CLIP4: variants seen among roughly 807,000 people sequenced by gnomAD.
The protein encoded by CLIP4 is CAP-Gly domain-containing linker protein 4.
CLIP4 carries 47 observed loss-of-function variants against 73.1 expected under a neutral mutation model. The observed-to-expected ratio is 0.64, with a 90% CI of 0.51 to 0.82. The LOEUF (loss-of-function observed/expected upper bound fraction) is 0.82. CLIP4 is among the 40% of genes least tolerant of loss of function. The pLI, the probability that CLIP4 is intolerant of heterozygous loss-of-function variation, is 0.00. For synonymous variants in CLIP4, 306 were observed against 295.4 expected (o/e 1.04, Z -0.37); for missense variants, 874 against 852.9 (o/e 1.02, Z -0.31).
chr2:29,165,176 G>A (rs1667525525), intron 13 of CLIP4, among the ~76,000 whole-genome samples: 1 of 152,164 alleles, frequency 6.6e-6, no homozygotes, highest in South Asian at 2.1e-4. Context: ...AATTAGCCAA[G>A]GAGCTGGACT....
At chr2:29,146,876 C>T (rs1173335521) in intron 8 of CLIP4, among the ~76,000 whole-genome samples, 1 of 152,176 alleles carries the variant, frequency 6.6e-6, no homozygotes, top group African/African-American at 2.4e-5. Flanking sequence ...GTGCATGATT[C>T]CCTGTAAGCA....
chr2:29,167,584 T>C (rs1290779761), intron 14 of CLIP4, 44 bp downstream of exon 14: 2 of 1,473,590 alleles, frequency 1.4e-6, no homozygotes, highest in South Asian at 1.3e-5. Flanking sequence ...ATTTCTTTGC[T>C]TTCATTTATT....
intron 8 of CLIP4, among the ~76,000 whole-genome samples, chr2:29,149,416 T>C (rs1205649203): frequency 6.6e-6 from 1 of 151,312 alleles, no homozygotes; most frequent in African/African-American, 2.4e-5. Flanking sequence ...TTTTCTTTTT[T>C]TTTTTTTTCT....
intron 5 of CLIP4, 111 bp from the exon 6 acceptor site, chr2:29,135,437 T>C (rs1558533297): frequency 4.7e-6 from 3 of 634,136 alleles, no homozygotes; most frequent in Non-Finnish European, 7.8e-6. Context: ...AGTGGGTTGA[T>C]TTAAGTCTTA....
At chr2:29,179,533 T>C (rs925483591) in intron 15 of CLIP4, among the ~76,000 whole-genome samples, 1 of 152,184 alleles carries the variant, frequency 6.6e-6, no homozygotes, top group Admixed American at 6.5e-5. Context: ...CATAGCTTAG[T>C]TTTTCTGAAC....
At chr2:29,138,365 T>A (rs1289658194) in intron 6 of CLIP4, among the ~76,000 whole-genome samples, 1 of 152,134 alleles carries the variant, frequency 6.6e-6, no homozygotes, top group Non-Finnish European at 1.5e-5. Flanking sequence ...TCTATATGTC[T>A]ATTTTTTTTA....
chr2:29,132,263 C>T lies in CLIP4; in HGVS notation c.367+18C>T. On this transcript the variant is annotated intron_variant, in intron 4 of 15. Coordinates refer to ENST00000320081, the MANE Select transcript of CLIP4 (RefSeq NM_024692.6). ...TGGTATTGGTAAGTGTGTGGTAAAT[C>T]TATCAGTTGCTTATGTCATCTGCAC... is the stretch of plus-strand genomic sequence containing the variant. The T allele has an allele frequency of 1.3e-6, 2 of 1,578,200 alleles. No homozygotes were observed. The highest frequency in any genetic ancestry group is 1.1e-5 in the South Asian group (1 of 90,194).
At chr2:29,116,109 G>A (rs1663805286) in intron 1 of CLIP4, among the ~76,000 whole-genome samples, 1 of 152,202 alleles carries the variant, frequency 6.6e-6, no homozygotes, top group African/African-American at 2.4e-5. Flanking sequence ...TTGGCCAGTG[G>A]GTCTTCAAAG....
chr2:29,123,486 G>T (rs955630176), intron 2 of CLIP4, among the ~76,000 whole-genome samples: 1 of 152,182 alleles, frequency 6.6e-6, no homozygotes, highest in Non-Finnish European at 1.5e-5. Context: ...AGGGTGCTGT[G>T]ATAGAGAACA....
intron 1 of CLIP4, 24 bp from the exon 2 acceptor site, chr2:29,121,350 C>CTT: frequency 6.4e-7 from 1 of 1,552,042 alleles, no homozygotes; most frequent in South Asian, 1.2e-5. Flanking sequence ...AGTAGAAACA[C>CTT]TTTTTTTTTC....
intron 8 of CLIP4, among the ~76,000 whole-genome samples, chr2:29,149,430 G>C (rs1572960417): frequency 1.7e-5 from 2 of 120,898 alleles, no homozygotes; most frequent in Non-Finnish European, 3.5e-5. Flanking sequence ...TTTTTCTTTA[G>C]AGTTCATACC....
In CLIP4 at chr2:29,124,592, AGTT is replaced by A. The variant is rs1417633011; in HGVS notation, c.133+3074_133+3076del. Among the ~76,000 whole-genome samples, 5 of 97,808 alleles carry A rather than the reference AGTT, an allele frequency of 5.1e-5. No homozygotes were observed. In the East Asian group the frequency reaches 1.5e-3, roughly 30 times the overall value. 64.2% of individuals were successfully genotyped at this position (97,808 alleles called of 152,430 possible). A position where few individuals can be genotyped will look rare whatever the true frequency, so the allele number is the denominator to read the frequency against. ...TGCATGTATATTATAGACTGCTTGA[AGTT>A]GTCCCATAACTCACTGATTTATTTT... On this transcript the variant is annotated intron_variant, in intron 2 of 15. Transcript: ENST00000320081.
At position 29,100,440 on chromosome 2, in the gene CLIP4, C is replaced by T. The variant is rs1668009235; in HGVS notation, c.-16+2493C>T. Among the ~76,000 whole-genome samples, 4 of 152,012 alleles carry T rather than the reference C, an allele frequency of 2.6e-5. No homozygotes were observed. The South Asian group carries it at 8.3e-4, about 32-fold the overall frequency. On this transcript the variant is annotated intron_variant, in intron 1 of 14. Transcript: ENST00000401605. ...CCTATGTGCCCCCCAACAGTTTCCT[C>T]TACTGTTAATATCTTCCATTAGTGT...
chr2:29,146,323 G>C (rs1412897114), intron 8 of CLIP4, among the ~76,000 whole-genome samples: 1 of 152,164 alleles, frequency 6.6e-6, no homozygotes, highest in Non-Finnish European at 1.5e-5. Flanking sequence ...AGGAAGTACA[G>C]AGCTCTGGAG....
chr2:29,181,975 C>A lies in CLIP4; in HGVS notation c.*82C>A. ...ATGGTAAATGGTTTACTTTATTTAG[C>A]CATATTAAAATTTTGAAAATATAGT... is the stretch of plus-strand genomic sequence containing the variant. On this transcript the variant is annotated 3_prime_UTR_variant, in exon 16 of 16. Transcript: ENST00000320081. 5 of 1,216,388 alleles carry A rather than the reference C, an allele frequency of 4.1e-6. No homozygotes were observed. Among genetic ancestry groups the A allele is most frequent in the Admixed American group, 2.6e-5 (1 of 37,844 alleles). 75.3% of individuals were successfully genotyped at this position (1,216,388 alleles called of 1,614,324 possible).
intron 4 of CLIP4, among the ~76,000 whole-genome samples, chr2:29,133,181 G>A (rs1275279162): frequency 6.6e-6 from 1 of 152,106 alleles, no homozygotes; most frequent in African/African-American, 2.4e-5. Context: ...GAGCAAGACT[G>A]TCTTTAAAAA....
chr2:29,168,218 A>G (rs1266266890), intron 14 of CLIP4, among the ~76,000 whole-genome samples: 4 of 152,204 alleles, frequency 2.6e-5, no homozygotes, highest in African/African-American at 9.6e-5. Flanking sequence ...TTTCTGGATT[A>G]CAAATGAGGA....
intron 2 of CLIP4, among the ~76,000 whole-genome samples, chr2:29,125,634 T>C (rs1473729984): frequency 6.6e-6 from 1 of 152,182 alleles, no homozygotes; most frequent in Non-Finnish European, 1.5e-5. Context: ...CCCTGAACTA[T>C]GCTCCTGGAG....
At chr2:29,176,090 T>C (rs1668328258) in intron 15 of CLIP4, among the ~76,000 whole-genome samples, 1 of 152,236 alleles carries the variant, frequency 6.6e-6, no homozygotes. Context: ...TATTAATTTA[T>C]CTGTTTTTAC....
Sources: gnomAD v4.1 joint callset for allele counts (sites outside exome capture counted in the v4.1 genomes callset) on GRCh38, gnomAD v4.1.1 for gene constraint, MANE v1.5 for transcripts, NCBI Gene and HGNC (gene_info 2026-07-23, HGNC 2026-07-21) for gene names.